LOC400499: variants seen among roughly 807,000 people sequenced by gnomAD.
chr16:11,391,876 C>T, the LOC400499 span: 30 of 1,200,342 alleles, frequency 2.5e-5, 1 homozygote, highest in Middle Eastern at 3.1e-4. Context: ...ACAGGGAAAC[C>T]GAGGCAGAAT....
the LOC400499 span, among the ~76,000 whole-genome samples, chr16:11,417,252 G>T: frequency 6.6e-6 from 1 of 151,992 alleles, no homozygotes; most frequent in Non-Finnish European, 1.5e-5. Flanking sequence ...TTTGAGACAG[G>T]GTCTCATTCT....
At chr16:11,467,772 A>G in the LOC400499 span, among the ~76,000 whole-genome samples, 1 of 152,182 alleles carries the variant, frequency 6.6e-6, no homozygotes, top group Non-Finnish European at 1.5e-5. Context: ...ATATTTGCAA[A>G]TCTATAAGGT....
the LOC400499 span, among the ~76,000 whole-genome samples, chr16:11,520,876 A>G: frequency 2.0e-5 from 3 of 152,128 alleles, no homozygotes; most frequent in South Asian, 2.1e-4. Context: ...AGGGGCCAGA[A>G]AATTTCCATT....
the LOC400499 span, among the ~76,000 whole-genome samples, chr16:11,413,165 G>A: frequency 5.3e-5 from 8 of 152,308 alleles, no homozygotes; most frequent in African/African-American, 1.9e-4. Flanking sequence ...CCCACCGAGG[G>A]ACCTCAAAGG....
At chr16:11,394,314 C>T in the LOC400499 span, among the ~76,000 whole-genome samples, 10 of 152,136 alleles carry the variant, frequency 6.6e-5, no homozygotes, top group Non-Finnish European at 1.5e-4. Flanking sequence ...GGCTCAGAGG[C>T]CCCCAAGAGA....
At chr16:11,445,494 G>A in the LOC400499 span, among the ~76,000 whole-genome samples, 2 of 152,154 alleles carry the variant, frequency 1.3e-5, no homozygotes, top group Non-Finnish European at 2.9e-5. Flanking sequence ...GTGGTCTGGG[G>A]GTCAGGTGAG....
At chr16:11,483,994 CTTTTTTTTTTTTT>C in the LOC400499 span, among the ~76,000 whole-genome samples, 272 of 34,876 alleles carry the variant, frequency 7.8e-3, 4 homozygotes, top group Middle Eastern at 0.059. Flanking sequence ...GAGGAAGGGA[CTTTTTTTTTTTTT>C]TTTTTTTTTT....
the LOC400499 span, among the ~76,000 whole-genome samples, chr16:11,379,196 C>T: frequency 9.9e-5 from 15 of 152,186 alleles, no homozygotes; most frequent in South Asian, 1.5e-3. Context: ...TGCAGTGAGC[C>T]GTTATCATGC....
the LOC400499 span, among the ~76,000 whole-genome samples, chr16:11,385,704 A>C: frequency 6.6e-6 from 1 of 152,274 alleles, no homozygotes; most frequent in Non-Finnish European, 1.5e-5. Flanking sequence ...CTCAAATGCC[A>C]CAGGGTCTAT....
the LOC400499 span, chr16:11,401,404 C>T: frequency 2.5e-6 from 1 of 399,750 alleles, no homozygotes; most frequent in Non-Finnish European, 4.4e-6. Context: ...AGGAGACCAG[C>T]ACCTAGGGAG....
the LOC400499 span, chr16:11,411,466 C>A: frequency 2.5e-6 from 1 of 396,906 alleles, no homozygotes; most frequent in Non-Finnish European, 4.4e-6. Flanking sequence ...CAGTTCAGGG[C>A]TATTCACACA....
chr16:11,480,424 G>A, the LOC400499 span, among the ~76,000 whole-genome samples: 7 of 152,104 alleles, frequency 4.6e-5, no homozygotes, highest in Non-Finnish European at 7.3e-5. Context: ...GTGACCAAGC[G>A]AACCAATGCC....
chr16:11,508,528 C>T, the LOC400499 span, among the ~76,000 whole-genome samples: 14 of 152,360 alleles, frequency 9.2e-5, no homozygotes, highest in East Asian at 1.3e-3. Flanking sequence ...GCCTGGCACA[C>T]GCCATCTAGA....
At chr16:11,400,415 C>G in the LOC400499 span, among the ~76,000 whole-genome samples, 1 of 139,968 alleles carries the variant, frequency 7.1e-6, no homozygotes, top group Non-Finnish European at 1.6e-5. Context: ...CACCCACCCA[C>G]CCAGTCACGC....
the LOC400499 span, chr16:11,448,081 A>G: frequency 6.5e-7 from 1 of 1,533,696 alleles, no homozygotes; most frequent in Non-Finnish European, 8.7e-7. Flanking sequence ...GGGCTGCAAC[A>G]AGATCCAGGC....
chr16:11,488,011 G>A, the LOC400499 span, among the ~76,000 whole-genome samples: 711 of 152,058 alleles, frequency 4.7e-3, 13 homozygotes, highest in Admixed American at 0.043. Context: ...CAGCTACTCG[G>A]GAGGCTGAGG....
the LOC400499 span, among the ~76,000 whole-genome samples, chr16:11,394,390 C>G: frequency 6.6e-6 from 1 of 152,228 alleles, no homozygotes; most frequent in Non-Finnish European, 1.5e-5. Flanking sequence ...AGTCCAGACA[C>G]TGCAGCTAAC....
the LOC400499 span, among the ~76,000 whole-genome samples, chr16:11,464,595 G>A: frequency 6.6e-6 from 1 of 152,156 alleles, no homozygotes; most frequent in African/African-American, 2.4e-5. Flanking sequence ...CATAAGCTCT[G>A]GGACTTCGTA....
the LOC400499 span, among the ~76,000 whole-genome samples, chr16:11,478,338 T>C: frequency 6.6e-6 from 1 of 152,116 alleles, no homozygotes; most frequent in African/African-American, 2.4e-5. Flanking sequence ...AGATATTTTG[T>C]TATTTTTTAT....
Sources: allele counts gnomAD v4.1 joint callset (sites outside exome capture counted in the v4.1 genomes callset), GRCh38; gene constraint gnomAD v4.1.1; transcripts MANE v1.5.